Variants in FRMPD4 observed in about 807,000 individuals in gnomAD.
FRMPD4 encodes FERM and PDZ domain-containing protein 4.
Under a neutral mutation model 94.1 loss-of-function variants are expected in FRMPD4, and 22 were observed. That is an observed-to-expected ratio of 0.23 (90% CI 0.17 to 0.33). The LOEUF is 0.33. FRMPD4 is among the 10% of genes least tolerant of loss of function. FRMPD4 has a pLI of 1.00. For synonymous variants in FRMPD4, 631 were observed against 548.6 expected, an observed-to-expected ratio of 1.15 and a Z score of -2.10; for missense variants, 1,111 against 1,339.9, an observed-to-expected ratio of 0.83 and a Z score of 2.67.
At chrX:12,428,821 TTTGG>T (rs1461172600) in intron 1 of FRMPD4, among the ~76,000 whole-genome samples, 8 of 111,789 alleles carry the variant, frequency 7.2e-5, no homozygotes, top group African/African-American at 2.6e-4. Context: ...TCTGTGTGTG[TTTGG>T]TTGATTTCCA....
intron 3 of FRMPD4, among the ~76,000 whole-genome samples, chrX:12,012,169 G>A (rs1321316263): frequency 9.0e-6 from 1 of 111,483 alleles, no homozygotes; most frequent in African/African-American, 3.3e-5. Context: ...AAAGTGCTGG[G>A]ATTACAAGCG....
chrX:12,492,055 G>A lies in FRMPD4; in HGVS notation c.42-6625G>A, dbSNP rs552251880. Among the ~76,000 whole-genome samples, 6 of 112,020 alleles carry A rather than the reference G, an allele frequency of 5.4e-5. No individual in the cohort carries two copies. In the South Asian group the frequency reaches 1.5e-3, roughly 28 times the overall value. On this transcript the variant is annotated intron_variant, in intron 1 of 16. Transcript: ENST00000675598. ...GTCCTTCCACATTTACAGAGTTGGA[G>A]AATTCAGTGAACTAAGAGATGCAAA...
chrX:11,949,154 T>C (rs770705235), intron 3 of FRMPD4, among the ~76,000 whole-genome samples: 1 of 112,060 alleles, frequency 8.9e-6, no homozygotes, highest in African/African-American at 3.2e-5. Flanking sequence ...GAAGAGGCTG[T>C]TACATGGATT....
intron 1 of FRMPD4, among the ~76,000 whole-genome samples, chrX:12,447,686 C>T (rs764210524): frequency 1.8e-5 from 2 of 111,739 alleles, no homozygotes; most frequent in South Asian, 3.8e-4. Flanking sequence ...GATCCAGGGC[C>T]TTATTCTGTT....
chrX:12,166,465 G>A (rs1377788254), intron 1 of FRMPD4, among the ~76,000 whole-genome samples: 5 of 111,347 alleles, frequency 4.5e-5, no homozygotes, highest in African/African-American at 1.3e-4. Context: ...GTATTTTATT[G>A]AGGATTTTTG....
intron 1 of FRMPD4, among the ~76,000 whole-genome samples, chrX:12,322,687 C>T (rs1434804689): frequency 9.0e-6 from 1 of 111,309 alleles, no homozygotes; most frequent in African/African-American, 3.3e-5. Context: ...TTTCAAATTA[C>T]AGCTCCAAAC....
At chrX:12,478,673 A>T (rs949614829) in intron 1 of FRMPD4, among the ~76,000 whole-genome samples, 4 of 112,140 alleles carry the variant, frequency 3.6e-5, no homozygotes, top group Non-Finnish European at 7.5e-5. Flanking sequence ...GCAGTTTTTT[A>T]AAAAAGTGCA....
At chrX:12,253,611 A>G (rs2054073047) in intron 1 of FRMPD4, among the ~76,000 whole-genome samples, 3 of 111,932 alleles carry the variant, frequency 2.7e-5, no homozygotes, top group African/African-American at 3.2e-5. Flanking sequence ...TCAAATGGAT[A>G]GAATTATTCC....
rs764981155 is a variant in FRMPD4 at position 12,219,487 on chromosome X, G to A, written c.41+80475G>A. Among the ~76,000 whole-genome samples, 5 of 112,407 alleles carry A rather than the reference G, an allele frequency of 4.4e-5. No homozygotes were observed. In the East Asian group the frequency reaches 8.4e-4, roughly 19 times the overall value. The stretch of plus-strand genomic sequence containing the variant: ...CAATAAGAGTAGGAGTTTAGTATTT[G>A]TGAGGTACTTTGACTTTTGTCATCA... On this transcript the variant is annotated intron_variant, in intron 1 of 16. Coordinates refer to ENST00000675598, the MANE Select transcript of FRMPD4 (RefSeq NM_001368397.1).
At chrX:12,292,786 G>A (rs958109920) in intron 1 of FRMPD4, among the ~76,000 whole-genome samples, 1 of 111,157 alleles carries the variant, frequency 9.0e-6, no homozygotes, top group African/African-American at 3.3e-5. Flanking sequence ...CTCTTGACAC[G>A]CATTAGGTAA....
At chrX:12,412,880 C>T (rs943573100) in intron 1 of FRMPD4, among the ~76,000 whole-genome samples, 9 of 111,701 alleles carry the variant, frequency 8.1e-5, no homozygotes, top group Non-Finnish European at 1.9e-5. Context: ...TCGGGAACAT[C>T]AACAAGGGTC....
At position 12,453,581 on chromosome X, in the gene FRMPD4, G is replaced by A. The variant is rs113756541; in HGVS notation, c.42-45099G>A. Among the ~76,000 whole-genome samples, 696 of 111,279 alleles carry A rather than the reference G, an allele frequency of 6.3e-3. 6 individuals carry two copies. Among genetic ancestry groups the A allele is most frequent in the African/African-American group, 0.021 (659 of 30,719 alleles). ...CGTATCATCCCTCAGTATCAGTTCCGAGTTATTTTGATATCAAGGACCATA... is the reference window on the plus strand; with the variant it reads ...CGTATCATCCCTCAGTATCAGTTCCAAGTTATTTTGATATCAAGGACCATA... On this transcript the variant is annotated intron_variant, in intron 1 of 16. Transcript: ENST00000675598.
chrX:12,389,987 C>T (rs1279427789), intron 1 of FRMPD4, among the ~76,000 whole-genome samples: 3 of 112,018 alleles, frequency 2.7e-5, no homozygotes, highest in East Asian at 2.8e-4. Flanking sequence ...GGGGATCTAA[C>T]GAAATTGTGC....
intron 3 of FRMPD4, among the ~76,000 whole-genome samples, chrX:11,983,048 A>G (rs2054405357): frequency 9.0e-6 from 1 of 111,649 alleles, no homozygotes; most frequent in African/African-American, 3.3e-5. Flanking sequence ...GCTTGTTCCT[A>G]TCAGTCACCT....
intron 1 of FRMPD4, among the ~76,000 whole-genome samples, chrX:12,419,159 C>A (rs2056850124): frequency 9.0e-6 from 1 of 111,655 alleles, no homozygotes; most frequent in African/African-American, 3.3e-5. Context: ...AAAAGTCCCT[C>A]AACCTCCTGC....
At chrX:12,629,323 A>T (rs2059374834) in intron 4 of FRMPD4, among the ~76,000 whole-genome samples, 2 of 112,249 alleles carry the variant, frequency 1.8e-5, no homozygotes, top group African/African-American at 3.2e-5. Flanking sequence ...GAGTAAAGGA[A>T]TGAAAGGTAT....
At chrX:12,018,080 C>A (rs1192679291) in intron 3 of FRMPD4, among the ~76,000 whole-genome samples, 1 of 110,858 alleles carries the variant, frequency 9.0e-6, no homozygotes, top group East Asian at 2.8e-4. Context: ...ACAAACTATA[C>A]CACTTTGCAT....
chrX:11,915,760 CTGAT>C (rs2054021496), intron 3 of FRMPD4, among the ~76,000 whole-genome samples: 1 of 111,840 alleles, frequency 8.9e-6, no homozygotes, highest in Non-Finnish European at 1.9e-5. Flanking sequence ...TGGAGTCAGA[CTGAT>C]TGGGTTTGAA....
rs191767751 is a variant in FRMPD4 at position 12,144,881 on chromosome X, A to G, written c.41+5869A>G. 2.6e-4 allele frequency among the ~76,000 whole-genome samples: 28 copies of G among 109,645 alleles called. No homozygotes were observed. The East Asian group carries it at 7.0e-3, about 28-fold the overall frequency. Reference sequence around the variant, plus strand: ...TGCTTTAAGCTCAATAAGCAAAGTTATGATGATATTGAAATGGGTTTTTAT... The same window carrying G: ...TGCTTTAAGCTCAATAAGCAAAGTTGTGATGATATTGAAATGGGTTTTTAT... On this transcript the variant is annotated intron_variant, in intron 1 of 16. Coordinates refer to ENST00000675598, the MANE Select transcript of FRMPD4 (RefSeq NM_001368397.1).
Sources: allele counts gnomAD v4.1 joint callset (sites outside exome capture counted in the v4.1 genomes callset), GRCh38; gene constraint gnomAD v4.1.1; transcripts MANE v1.5; gene names NCBI Gene and HGNC (gene_info 2026-07-23, HGNC 2026-07-21).